The following NTS variants were observed in gnomAD, a reference collection of about 807,000 sequenced individuals.
The protein encoded by NTS is neurotensin/neuromedin N.
In NTS, 20 loss-of-function variants were observed where a neutral mutation model predicts 19.5. The ratio of observed to expected loss-of-function variants is 1.02; its 90% CI spans 0.72 to 1.49. The LOEUF (loss-of-function observed/expected upper bound fraction) is 1.49. Among genes scored for constraint, NTS ranks in the 40% most tolerant of loss-of-function variants. NTS has a pLI of 0.00. For synonymous variants in NTS, 71 were observed against 63.3 expected, an observed-to-expected ratio of 1.12 and a Z score of -0.58; for missense variants, 215 against 193.1, an observed-to-expected ratio of 1.11 and a Z score of -0.67.
chr12:85,878,322 G>C lies in NTS; in HGVS notation c.136-23G>C, dbSNP rs1436971941. ...TCATGTAACACAAGTTTTAATTGCA[G>C]GGGTTTTTTTAATATATTTCAGATT... On this transcript the variant is annotated intron_variant, in intron 2 of 3. Transcript: ENST00000256010. 2.6e-6 allele frequency: 4 copies of C among 1,513,942 alleles called. No individual in the cohort carries two copies. In the East Asian group the frequency reaches 9.1e-5, roughly 35 times the overall value. The allele number at this position is 1,513,942 out of a possible 1,614,324, so 93.8% of individuals were successfully genotyped here. A position where few individuals can be genotyped will look rare whatever the true frequency, so the allele number is the denominator to read the frequency against.
At position 85,878,331 on chromosome 12, in the gene NTS, T is replaced by A. The variant is rs1230528248; in HGVS notation, c.136-14T>A. 2 of 1,545,004 alleles carry A rather than the reference T, an allele frequency of 1.3e-6. No individual in the cohort carries two copies. The highest frequency in any genetic ancestry group is 2.5e-5 in the South Asian group (2 of 81,114). On this transcript the variant is annotated splice_polypyrimidine_tract_variant and intron_variant, in intron 2 of 3. Coordinates refer to ENST00000256010, the MANE Select transcript of NTS (RefSeq NM_006183.5). ...ACAAGTTTTAATTGCAGGGGTTTTT[T>A]TAATATATTTCAGATTAGTAAAGCA...
rs1881519459 is a variant in NTS at position 85,882,313 on chromosome 12, C to G, written c.451C>G (p.Gln151Glu). 2 of 1,608,330 alleles carry G rather than the reference C, an allele frequency of 1.2e-6. No individual in the cohort carries two copies. Among genetic ancestry groups the G allele is most frequent in the Non-Finnish European group, 1.7e-6 (2 of 1,177,544 alleles). ...KRKIPYILKR[Q>E]LYENKPRRPY... ...AAAAATTCCTTATATTCTGAAACGG[C>G]AGCTGTATGAGAATAAACCCAGAAG... Residue 151 changes from glutamine to glutamate, a missense_variant, in exon 4 of 4, where the codon CAG becomes GAG. Gln to Glu is a conservative substitution (Grantham distance 29). Coordinates refer to ENST00000256010, the MANE Select transcript of NTS (RefSeq NM_006183.5).
chr12:85,882,066 C>T (rs975127730), intron 3 of NTS, among the ~76,000 whole-genome samples, 157 bp from the exon 4 acceptor site: 4 of 151,244 alleles, frequency 2.6e-5, no homozygotes, highest in Non-Finnish European at 4.4e-5. Flanking sequence ...GGCCGTCTCT[C>T]CTTTGAAAAA....
intron 3 of NTS, among the ~76,000 whole-genome samples, chr12:85,879,870 T>A (rs1353992453): frequency 6.8e-6 from 1 of 146,194 alleles, no homozygotes; most frequent in Non-Finnish European, 1.5e-5. Context: ...ATATTTAAAA[T>A]ATATATAAAT....
At chr12:85,879,143 G>A (rs565163198) in intron 3 of NTS, among the ~76,000 whole-genome samples, 19 of 120,008 alleles carry the variant, frequency 1.6e-4, no homozygotes, top group Non-Finnish European at 2.1e-4. Flanking sequence ...TTTTATGTAC[G>A]TAAAATATAT....
At chr12:85,876,544 C>T (rs1881348542) in intron 1 of NTS, 96 bp from the exon 2 acceptor site, 1 of 637,068 alleles carries the variant, frequency 1.6e-6, no homozygotes, top group South Asian at 3.4e-5. Flanking sequence ...AGACACTAAC[C>T]TCTAAGATTT....
At chr12:85,881,192 G>C (rs1167599334) in intron 3 of NTS, among the ~76,000 whole-genome samples, 1 of 152,046 alleles carries the variant, frequency 6.6e-6, no homozygotes, top group Non-Finnish European at 1.5e-5. Flanking sequence ...AAAAACTAAA[G>C]ATTAAGAAAC....
intron 3 of NTS, among the ~76,000 whole-genome samples, chr12:85,879,106 T>C (rs968248174): frequency 3.4e-5 from 5 of 147,190 alleles, no homozygotes; most frequent in Non-Finnish European, 6.0e-5. Flanking sequence ...GTATATTTTA[T>C]GTACGTAAAA....
chr12:85,876,543 C>A (rs1881348414), intron 1 of NTS, 97 bp from the exon 2 acceptor site: 1 of 614,482 alleles, frequency 1.6e-6, no homozygotes, highest in Non-Finnish European at 2.7e-6. Context: ...AAGACACTAA[C>A]CTCTAAGATT....
intron 3 of NTS, among the ~76,000 whole-genome samples, chr12:85,880,557 C>A (rs1230246170): frequency 6.6e-6 from 1 of 152,124 alleles, no homozygotes. Flanking sequence ...TTTATTATAA[C>A]TGGTAAGCAA....
chr12:85,878,706 G>T, intron 3 of NTS, 137 bp downstream of exon 3: 1 of 493,920 alleles, frequency 2.0e-6, no homozygotes, highest in Non-Finnish European at 3.4e-6. Flanking sequence ...ATGTTTTGAA[G>T]TCAACATTGC....
At position 85,874,487 on chromosome 12, in the gene NTS, C is replaced by G. The variant is rs760595072; in HGVS notation, c.73+11C>G. ...GGAGTCTGTGCTCAGGTAAGCAAAA[C>G]AGAATTTCACAACTCCCTGAAGTGA... On this transcript the variant is annotated intron_variant, in intron 1 of 3. Transcript: ENST00000256010. 1.3e-6 allele frequency: 2 copies of G among 1,582,738 alleles called. No individual in the cohort carries two copies. Among genetic ancestry groups the G allele is most frequent in the Admixed American group, 1.7e-5 (1 of 59,926 alleles).
rs780406625 is a variant in NTS, at chr12:85,874,414, G to C, written c.11G>C (p.Gly4Ala). Residue 4 changes from glycine to alanine, a missense_variant, in exon 1 of 4, where the codon GGA (glycine) becomes GCA (alanine). Transcript: ENST00000256010. ...TTAGAAGGCTGAAAGATGATGGCAGGAATGAAAATCCAGCTTGTATGCATG... is the reference window on the plus strand; with the variant it reads ...TTAGAAGGCTGAAAGATGATGGCAGCAATGAAAATCCAGCTTGTATGCATG... MMA[G>A]MKIQLVCMLL... The C allele has an allele frequency of 6.2e-7, 1 of 1,613,314 alleles. No homozygotes were observed. Among genetic ancestry groups the C allele is most frequent in the Non-Finnish European group, 8.5e-7 (1 of 1,179,326 alleles).
chr12:85,878,324 G>GT (rs764965721), intron 2 of NTS, 21 bp from the exon 3 acceptor site: 2 of 1,518,500 alleles, frequency 1.3e-6, no homozygotes, highest in South Asian at 2.5e-5. Flanking sequence ...TAATTGCAGG[G>GT]GTTTTTTTAA....
chr12:85,874,384 G>C lies in NTS; in HGVS notation c.-20G>C. ...TGTGCTTCTGACTTTTACGGACTTG[G>C]CTTGTTAGAAGGCTGAAAGATGATG... is the stretch of plus-strand genomic sequence containing the variant. On this transcript the variant is annotated 5_prime_UTR_variant, in exon 1 of 4. Coordinates refer to ENST00000256010, the MANE Select transcript of NTS (RefSeq NM_006183.5). 6.2e-7 allele frequency: 1 copy of C among 1,602,464 alleles called. No individual in the cohort carries two copies. The highest frequency in any genetic ancestry group is 8.6e-7 in the Non-Finnish European group (1 of 1,169,544).
intron 1 of NTS, among the ~76,000 whole-genome samples, chr12:85,875,463 T>C (rs1881320329): frequency 6.6e-6 from 1 of 152,094 alleles, no homozygotes; most frequent in Non-Finnish European, 1.5e-5. Context: ...ATTTAAATTA[T>C]GAAATTAAAA....
At chr12:85,879,264 G>GTACGTAAAATATATTTATATATA (rs1565770745) in intron 3 of NTS, among the ~76,000 whole-genome samples, 1 of 3,844 alleles carries the variant, frequency 2.6e-4, no homozygotes, top group Non-Finnish European at 7.7e-4. Flanking sequence ...ATAATTTTAT[G>GTACGTAAAATATATTTATATATA]TATATTTTAT....
intron 3 of NTS, 92 bp downstream of exon 3, chr12:85,878,661 C>A: frequency 6.8e-6 from 5 of 730,434 alleles, no homozygotes; most frequent in Non-Finnish European, 8.2e-6. Flanking sequence ...ATAATCATAA[C>A]AAGAAGAGTT....
intron 3 of NTS, among the ~76,000 whole-genome samples, chr12:85,879,656 T>C (rs571348529): frequency 7.7e-4 from 99 of 127,818 alleles, no homozygotes; most frequent in African/African-American, 1.6e-3. Flanking sequence ...ATAAAATATA[T>C]TTTTTGTATA....
Sources: gnomAD v4.1 joint callset for allele counts (sites outside exome capture counted in the v4.1 genomes callset) on GRCh38, gnomAD v4.1.1 for gene constraint, MANE v1.5 for transcripts, NCBI Gene and HGNC (gene_info 2026-07-23, HGNC 2026-07-21) for gene names.